Variants in SLC25A17 observed in about 807,000 individuals in gnomAD.
SLC25A17 encodes peroxisomal membrane protein PMP34.
A neutral mutation model predicts 38.5 loss-of-function variants in SLC25A17; 26 were observed. The observed-to-expected ratio is 0.68, with a 90% CI of 0.50 to 0.94. The LOEUF is 0.94. SLC25A17 is among the 40% of genes least tolerant of loss of function. The pLI is 0.00. For missense variants in SLC25A17, 333 were observed against 372.7 expected (o/e 0.89, Z 0.88); for synonymous variants, 139 against 136.2 (o/e 1.02, Z -0.14).
intron 7 of SLC25A17, among the ~76,000 whole-genome samples, chr22:40,775,424 T>C (rs776086451): frequency 4.2e-5 from 6 of 144,480 alleles, no homozygotes; most frequent in Non-Finnish European, 9.0e-5. Flanking sequence ...ATAAGTCTCA[T>C]GAGATCTGAT....
At chr22:40,782,557 C>T (rs1006049892) in intron 4 of SLC25A17, among the ~76,000 whole-genome samples, 5 of 152,126 alleles carry the variant, frequency 3.3e-5, no homozygotes, top group Non-Finnish European at 5.9e-5. Context: ...TCCTTTGTTA[C>T]GGAGAGAAAA....
chr22:40,814,101 A>T (rs1178953732), intron 1 of SLC25A17: 1 of 152,266 alleles, frequency 6.6e-6, no homozygotes, highest in Admixed American at 6.5e-5. Flanking sequence ...CATTTCAAAA[A>T]GCACTTTGAC....
chr22:40,780,559 C>T (rs11913301), intron 4 of SLC25A17, among the ~76,000 whole-genome samples: 2,810 of 152,244 alleles, frequency 0.018, 78 homozygotes, highest in African/African-American at 0.063. Context: ...AGAATGTATT[C>T]CTATTCAATG....
At chr22:40,815,427 T>C (rs1454948454) in intron 1 of SLC25A17, among the ~76,000 whole-genome samples, 7 of 152,120 alleles carry the variant, frequency 4.6e-5, no homozygotes, top group African/African-American at 1.2e-4. Flanking sequence ...ACAACTGTAA[T>C]TGGAAAAAAC....
intron 2 of SLC25A17, among the ~76,000 whole-genome samples, chr22:40,798,660 T>TAAAAAAAA (rs10640211): frequency 2.7e-5 from 2 of 74,374 alleles, no homozygotes; most frequent in Non-Finnish European, 5.0e-5. Flanking sequence ...CACACATACA[T>TAAAAAAAA]AAAAAAAAAA....
chr22:40,806,011 CA>C (rs1218061413), intron 1 of SLC25A17, among the ~76,000 whole-genome samples: 5 of 152,312 alleles, frequency 3.3e-5, no homozygotes, highest in Non-Finnish European at 7.3e-5. Context: ...GTACCAGTCC[CA>C]GCTAGTAACT....
At chr22:40,785,158 T>G (rs977764176) in intron 4 of SLC25A17, among the ~76,000 whole-genome samples, 2 of 152,128 alleles carry the variant, frequency 1.3e-5, no homozygotes, top group African/African-American at 4.8e-5. Context: ...CTGACGCAGG[T>G]GGATCACCTT....
chr22:40,791,614 C>T (rs1450235171), intron 4 of SLC25A17, among the ~76,000 whole-genome samples: 1 of 152,058 alleles, frequency 6.6e-6, no homozygotes, highest in African/African-American at 2.4e-5. Context: ...AGATAATATA[C>T]AAATGGCCAA....
At chr22:40,788,784 CCATT>C (rs1284684561) in intron 4 of SLC25A17, 2 of 245,836 alleles carry the variant, frequency 8.1e-6, no homozygotes, top group Admixed American at 8.0e-5. Context: ...TCATCAGTGG[CCATT>C]CATTATTTTG....
chr22:40,783,220 C>A (rs1391801600), intron 4 of SLC25A17, among the ~76,000 whole-genome samples: 1 of 152,072 alleles, frequency 6.6e-6, no homozygotes, highest in Admixed American at 6.6e-5. Flanking sequence ...ATTCTTTAAC[C>A]CAGAGTCTCC....
Position 40,779,124 on chromosome 22 carries a change from T to C in SLC25A17, c.336A>G (p.Gly112=). 1 of 1,614,174 alleles carries C rather than the reference T, an allele frequency of 6.2e-7. No individual in the cohort carries two copies. The highest frequency in any genetic ancestry group is 8.5e-7 in the Non-Finnish European group (1 of 1,180,034). ...GKDLVVGFVA[G]VVNVLLTTPL... ...GAGTTGTTAGCAACACATTAACCAC[T>C]CCTTTAACAAGAAAGATGGAGAGAA... Residue 112 remains glycine, a splice_region_variant and synonymous_variant, in exon 5 of 9, where the codon GGA becomes GGG. Transcript: ENST00000435456.
intron 1 of SLC25A17, among the ~76,000 whole-genome samples, chr22:40,811,916 A>G (rs1219266960): frequency 6.6e-6 from 1 of 152,162 alleles, no homozygotes; most frequent in Non-Finnish European, 1.5e-5. Context: ...TCAAACATCC[A>G]AACTGTATCA....
At chr22:40,816,055 A>G (rs550063625) in intron 1 of SLC25A17, among the ~76,000 whole-genome samples, 9 of 152,176 alleles carry the variant, frequency 5.9e-5, no homozygotes, top group South Asian at 2.1e-4. Flanking sequence ...GCGTGGTGGC[A>G]CATGCCTGTA....
intron 1 of SLC25A17, among the ~76,000 whole-genome samples, chr22:40,812,470 A>C (rs1241943226): frequency 6.6e-6 from 1 of 152,190 alleles, no homozygotes; most frequent in East Asian, 1.9e-4. Flanking sequence ...GCATATTTTC[A>C]TGCCTTTTAA....
intron 4 of SLC25A17, among the ~76,000 whole-genome samples, chr22:40,781,990 G>A (rs1288619678): frequency 6.6e-6 from 1 of 152,152 alleles, no homozygotes; most frequent in Non-Finnish European, 1.5e-5. Flanking sequence ...GGGAGGCTGA[G>A]GCGGGTGGAT....
At chr22:40,771,253 A>G (rs981887920) in intron 8 of SLC25A17, among the ~76,000 whole-genome samples, 7 of 150,764 alleles carry the variant, frequency 4.6e-5, no homozygotes, top group African/African-American at 1.2e-4. Flanking sequence ...GACTAGAGGC[A>G]CCCGCCACGA....
Position 40,777,254 on chromosome 22 carries a change from G to A in SLC25A17, c.571C>T (p.Arg191Trp), listed in dbSNP as rs142349727. The A allele has an allele frequency of 3.3e-5, 53 of 1,613,960 alleles. No individual in the cohort carries two copies. The African/African-American group carries it at 5.5e-4, about 17-fold the overall frequency. ...TTCATCCGTTTCTTTAAAAGCTGCC[G>A]TTTTAAACCTTCATAAAACATGAAC... ...IQFMFYEGLK[R>W]QLLKKRMKLS... Residue 191 changes from arginine to tryptophan, a missense_variant, in exon 6 of 9, where the codon CGG becomes TGG. Coordinates refer to ENST00000435456, the MANE Select transcript of SLC25A17 (RefSeq NM_006358.4).
chr22:40,788,393 G>A (rs1294094008), intron 4 of SLC25A17, among the ~76,000 whole-genome samples: 3 of 152,100 alleles, frequency 2.0e-5, no homozygotes, highest in African/African-American at 7.2e-5. Context: ...AGATGAGGCT[G>A]GACAATAATA....
chr22:40,786,519 C>A (rs1006094118), intron 4 of SLC25A17, among the ~76,000 whole-genome samples: 2 of 152,168 alleles, frequency 1.3e-5, no homozygotes, highest in African/African-American at 4.8e-5. Context: ...AACCTACATA[C>A]ATCCTCCCAT....
Sources: gnomAD v4.1 joint callset for allele counts (sites outside exome capture counted in the v4.1 genomes callset) on GRCh38, gnomAD v4.1.1 for gene constraint, MANE v1.5 for transcripts, NCBI Gene and HGNC (gene_info 2026-07-23, HGNC 2026-07-21) for gene names.